Variants in DISC1 observed in about 807,000 individuals in gnomAD.
DISC1 encodes the protein DISC1 scaffold protein, also known as disrupted in schizophrenia 1 protein.
DISC1 carries 57 observed loss-of-function variants against 84.5 expected under a neutral mutation model. That is an observed-to-expected ratio of 0.67 (90% CI 0.55 to 0.84). The LOEUF is 0.84. Among genes scored for constraint, DISC1 ranks in the 40% least tolerant of loss-of-function variants. DISC1 has a pLI of 0.00. For missense variants in DISC1, 1,000 were observed against 1,057.8 expected, an observed-to-expected ratio of 0.95 and a Z score of 0.76; for synonymous variants, 411 against 415.2, an observed-to-expected ratio of 0.99 and a Z score of 0.12.
At chr1:231,709,771 G>T (rs114673322) in intron 3 of DISC1, among the ~76,000 whole-genome samples, 293 of 152,278 alleles carry the variant, frequency 1.9e-3, no homozygotes, top group Non-Finnish European at 3.6e-3. Flanking sequence ...GCAGGAAGTT[G>T]TGCCAACAGT....
chr1:231,906,218 C>T (rs1158124053), intron 9 of DISC1, among the ~76,000 whole-genome samples: 1 of 152,060 alleles, frequency 6.6e-6, no homozygotes, highest in Non-Finnish European at 1.5e-5. Flanking sequence ...GATGGGGTCT[C>T]TCCATGTTGG....
At chr1:231,841,702 A>G (rs569807157) in intron 9 of DISC1, among the ~76,000 whole-genome samples, 46 of 152,256 alleles carry the variant, frequency 3.0e-4, no homozygotes, top group African/African-American at 1.1e-3. Flanking sequence ...AATCTTATTC[A>G]GTTTTTGTTC....
chr1:231,645,331 C>T (rs2060032876), intron 1 of DISC1, among the ~76,000 whole-genome samples: 1 of 152,066 alleles, frequency 6.6e-6, no homozygotes, highest in Non-Finnish European at 1.5e-5. Context: ...CACTGAAGCT[C>T]CTTTCTGCAC....
chr1:231,791,714 A>G (rs962395590), intron 6 of DISC1, among the ~76,000 whole-genome samples: 1 of 152,214 alleles, frequency 6.6e-6, no homozygotes, highest in South Asian at 2.1e-4. Flanking sequence ...TTTGTTATGA[A>G]TAATATGCAA....
chr1:231,785,249 G>GT (rs1400523442), intron 6 of DISC1, among the ~76,000 whole-genome samples: 118 of 53,144 alleles, frequency 2.2e-3, no homozygotes, highest in Non-Finnish European at 3.3e-3. Flanking sequence ...GTGTGTGTGT[G>GT]TGTGTTATTT....
rs1045805728 is a variant in DISC1 at position 231,849,533 on chromosome 1, G to GGT, written c.1981+31028_1981+31029dup. On this transcript the variant is annotated intron_variant, in intron 9 of 12. Coordinates refer to ENST00000439617, the MANE Select transcript of DISC1 (RefSeq NM_018662.3). ...GCAGGGCTCTGATGATGATGATGGT[G>GGT]GTGTGTGTGTGTGGTGTAGTGTATG... Among the ~76,000 whole-genome samples the GGT allele has an allele frequency of 7.9e-5, 12 of 151,910 alleles. No homozygotes were observed. In the Middle Eastern group the frequency reaches 0.014, roughly 172 times the overall value.
chr1:231,832,897 A>G lies in DISC1; in HGVS notation c.1981+14380A>G, dbSNP rs866973665. ...ATAGGCTTTAAAAGGCCATGCTGTAACAGGTGAGTGATAACAGGCTTTAAT... is the reference window on the plus strand; with the variant it reads ...ATAGGCTTTAAAAGGCCATGCTGTAGCAGGTGAGTGATAACAGGCTTTAAT... On this transcript the variant is annotated intron_variant, in intron 9 of 12. Coordinates refer to ENST00000439617, the MANE Select transcript of DISC1 (RefSeq NM_018662.3). 2.5e-4 allele frequency among the ~76,000 whole-genome samples: 35 copies of G among 138,486 alleles called. 1 individual carries two copies. Among genetic ancestry groups the G allele is most frequent in the African/African-American group, 8.3e-4 (30 of 36,282 alleles). 90.9% of individuals were successfully genotyped at this position (138,486 alleles called of 152,430 possible).
chr1:231,748,711 G>T (rs865928119), intron 3 of DISC1, among the ~76,000 whole-genome samples: 1 of 152,138 alleles, frequency 6.6e-6, no homozygotes, highest in Admixed American at 6.5e-5. Context: ...TTGTGTCCTT[G>T]TCTCATTTTG....
Position 231,845,778 on chromosome 1 carries a change from G to A in DISC1, c.1981+27261G>A, listed in dbSNP as rs74538458. Among the ~76,000 whole-genome samples, 125 of 152,222 alleles carry A rather than the reference G, an allele frequency of 8.2e-4. 1 individual carries two copies. Among genetic ancestry groups the A allele is most frequent in the African/African-American group, 2.7e-3 (111 of 41,526 alleles). Reference sequence around the variant, plus strand: ...GAGGGGTGGGTGGCTGGATGTGGTCGTGGAACAGGGGCAGAAATAACTAGG... The same window carrying A: ...GAGGGGTGGGTGGCTGGATGTGGTCATGGAACAGGGGCAGAAATAACTAGG... On this transcript the variant is annotated intron_variant, in intron 9 of 12. Transcript: ENST00000439617.
chr1:231,900,135 C>T (rs2088031005), intron 9 of DISC1, among the ~76,000 whole-genome samples: 1 of 152,222 alleles, frequency 6.6e-6, no homozygotes, highest in Non-Finnish European at 1.5e-5. Context: ...CTGCCTTTCA[C>T]GTTTGCTTTC....
intron 1 of DISC1, among the ~76,000 whole-genome samples, chr1:231,645,364 C>A (rs1181223770): frequency 1.3e-5 from 2 of 152,132 alleles, no homozygotes; most frequent in African/African-American, 2.4e-5. Flanking sequence ...TTGTACAAGT[C>A]AAACCAGGGC....
At chr1:231,753,412 G>C (rs1380730605) in intron 4 of DISC1, among the ~76,000 whole-genome samples, 1 of 152,238 alleles carries the variant, frequency 6.6e-6, no homozygotes, top group East Asian at 1.9e-4. Context: ...AGCTGTATCT[G>C]GACCCCTTTG....
At chr1:231,716,698 G>A (rs6693517) in intron 3 of DISC1, among the ~76,000 whole-genome samples, 42,769 of 151,946 alleles carry the variant, frequency 0.28, 6,659 homozygotes, top group East Asian at 0.36. Context: ...TGTTTCTGTG[G>A]GTCTCTACTG....
rs558288488 is a variant in DISC1, at chr1:231,670,125, C to T, written c.68-23701C>T. ...AACACAGAAACAGAAAACCAAACAC[C>T]GCATGTTCTCACTTATAAGTGGGAG... is the stretch of plus-strand genomic sequence containing the variant. On this transcript the variant is annotated intron_variant, in intron 1 of 12. Coordinates refer to ENST00000439617, the MANE Select transcript of DISC1 (RefSeq NM_018662.3). Among the ~76,000 whole-genome samples the T allele has an allele frequency of 6.6e-5, 10 of 152,198 alleles. No homozygotes were observed. The South Asian group carries it at 1.7e-3, about 25-fold the overall frequency.
intron 9 of DISC1, among the ~76,000 whole-genome samples, chr1:231,874,608 A>G (rs1276394773): frequency 2.0e-5 from 3 of 151,982 alleles, no homozygotes; most frequent in Non-Finnish European, 4.4e-5. Flanking sequence ...TGTATTAACC[A>G]TCTGAATTAT....
chr1:231,880,331 A>C (rs921275595), intron 9 of DISC1, among the ~76,000 whole-genome samples: 1 of 152,138 alleles, frequency 6.6e-6, no homozygotes, highest in African/African-American at 2.4e-5. Context: ...TTTCTTTATA[A>C]ATTACTCAGT....
chr1:231,714,042 G>T (rs2068325278), intron 3 of DISC1, among the ~76,000 whole-genome samples: 1 of 151,720 alleles, frequency 6.6e-6, no homozygotes, highest in African/African-American at 2.4e-5. Flanking sequence ...TAGAGCTAAT[G>T]AACAAATTCT....
intron 6 of DISC1, among the ~76,000 whole-genome samples, chr1:231,788,500 A>G (rs2078061643): frequency 6.6e-6 from 1 of 152,126 alleles, no homozygotes; most frequent in Non-Finnish European, 1.5e-5. Flanking sequence ...TCTTAACTCA[A>G]AGTACATTTG....
intron 1 of DISC1, among the ~76,000 whole-genome samples, chr1:231,679,156 C>T (rs536515487): frequency 1.3e-5 from 2 of 152,344 alleles, no homozygotes; most frequent in African/African-American, 4.8e-5. Context: ...TCTTTGATGC[C>T]TTTGACTTCC....
Sources: gnomAD v4.1 joint callset for allele counts (sites outside exome capture counted in the v4.1 genomes callset) on GRCh38, gnomAD v4.1.1 for gene constraint, MANE v1.5 for transcripts, NCBI Gene and HGNC (gene_info 2026-07-23, HGNC 2026-07-21) for gene names.